The following NDUFS4 variants were observed in gnomAD, a reference collection of about 807,000 sequenced individuals.
NDUFS4 encodes the protein NADH dehydrogenase [ubiquinone] iron-sulfur protein 4, mitochondrial.
A neutral mutation model predicts 24.3 loss-of-function variants in NDUFS4; 28 were observed. That is an observed-to-expected ratio of 1.15 (90% CI 0.85 to 1.58). NDUFS4 has a LOEUF of 1.58. NDUFS4 is among the 40% of genes most tolerant of loss of function. The probability of loss-of-function intolerance (pLI) is 0.00; values close to 1 mark genes in which losing one functional copy is unlikely to be tolerated. For synonymous variants in NDUFS4, 93 were observed against 69.7 expected, an observed-to-expected ratio of 1.34 and a Z score of -1.67; for missense variants, 223 against 207.9, an observed-to-expected ratio of 1.07 and a Z score of -0.45.
intron 2 of NDUFS4, among the ~76,000 whole-genome samples, chr5:53,612,581 A>G (rs995132040): frequency 2.6e-5 from 4 of 152,106 alleles, no homozygotes; most frequent in Non-Finnish European, 5.9e-5. Flanking sequence ...TGTAAAACAA[A>G]TGTTGTCAGT....
chr5:53,578,296 T>TAAATATAAAA (rs1749450855), intron 1 of NDUFS4, among the ~76,000 whole-genome samples: 1 of 152,214 alleles, frequency 6.6e-6, no homozygotes, highest in Non-Finnish European at 1.5e-5. Flanking sequence ...TTATTTTGGT[T>TAAATATAAAA]CTAGATTTAG....
intron 1 of NDUFS4, among the ~76,000 whole-genome samples, chr5:53,599,489 A>G (rs1750243553): frequency 6.6e-6 from 1 of 152,096 alleles, no homozygotes; most frequent in Non-Finnish European, 1.5e-5. Flanking sequence ...TTTGATTTGC[A>G]TTGCTCTAAT....
chr5:53,683,014 T>C lies in NDUFS4; in HGVS notation c.425-104T>C, dbSNP rs1270640155. 3 of 809,990 alleles carry C rather than the reference T, an allele frequency of 3.7e-6. No homozygotes were observed. The African/African-American group carries it at 5.1e-5, about 14-fold the overall frequency. 50.2% of individuals were successfully genotyped at this position (809,990 alleles called of 1,614,324 possible). A position where few individuals can be genotyped will look rare whatever the true frequency, so the allele number is the denominator to read the frequency against. On this transcript the variant is annotated intron_variant, in intron 4 of 4. Coordinates refer to ENST00000296684, the MANE Select transcript of NDUFS4 (RefSeq NM_002495.4). ...GTTGACATATACTCTTGATGATAAA[T>C]GAACATTAAGTTAAGTTATAAAAGC...
chr5:53,609,728 T>C (rs1198480603), intron 2 of NDUFS4, among the ~76,000 whole-genome samples: 2 of 152,202 alleles, frequency 1.3e-5, no homozygotes, highest in Non-Finnish European at 2.9e-5. Flanking sequence ...AGTTATCTTA[T>C]CTAGATCTTC....
At chr5:53,653,274 G>A (rs1385467888) in intron 3 of NDUFS4, among the ~76,000 whole-genome samples, 2 of 152,148 alleles carry the variant, frequency 1.3e-5, no homozygotes, top group African/African-American at 2.4e-5. Context: ...GTGCACAAAC[G>A]TAGATGTTGC....
rs546420781 is a variant in NDUFS4, at chr5:53,677,736, C to T, written c.425-5382C>T. Among the ~76,000 whole-genome samples the T allele has an allele frequency of 3.9e-5, 6 of 152,314 alleles. No individual in the cohort carries two copies. In the South Asian group the frequency reaches 1.2e-3, roughly 32 times the overall value. On this transcript the variant is annotated intron_variant, in intron 4 of 4. Coordinates refer to ENST00000296684, the MANE Select transcript of NDUFS4 (RefSeq NM_002495.4). ...CTTGCTTTGGCCTCCCAAAGCTTTGCTCTTCTGATCCCATGCTTCAGTTGG... is the reference window on the plus strand; with the variant it reads ...CTTGCTTTGGCCTCCCAAAGCTTTGTTCTTCTGATCCCATGCTTCAGTTGG...
chr5:53,620,453 A>G (rs949074593), intron 2 of NDUFS4, among the ~76,000 whole-genome samples: 1 of 152,204 alleles, frequency 6.6e-6, no homozygotes, highest in African/African-American at 2.4e-5. Flanking sequence ...TCATTGTACT[A>G]TAAATTGGTG....
chr5:53,674,628 A>G (rs536419623), intron 4 of NDUFS4, among the ~76,000 whole-genome samples: 9 of 152,336 alleles, frequency 5.9e-5, no homozygotes, highest in African/African-American at 2.2e-4. Flanking sequence ...AATTAAAAAA[A>G]TAAGAGATCT....
intron 4 of NDUFS4, among the ~76,000 whole-genome samples, chr5:53,682,030 A>G (rs1008822453): frequency 1.3e-5 from 2 of 152,162 alleles, no homozygotes; most frequent in African/African-American, 4.8e-5. Context: ...CATTTTGTAC[A>G]TGACTGCATG....
chr5:53,562,930 G>GAACT (rs1284165221), intron 1 of NDUFS4, among the ~76,000 whole-genome samples: 5 of 146,106 alleles, frequency 3.4e-5, no homozygotes, highest in African/African-American at 1.3e-4. Flanking sequence ...GTGGAGTAGG[G>GAACT]AACTGAAGGA....
intron 3 of NDUFS4, among the ~76,000 whole-genome samples, chr5:53,657,167 T>G (rs768083046): frequency 6.6e-6 from 1 of 152,214 alleles, no homozygotes; most frequent in African/African-American, 2.4e-5. Flanking sequence ...TCAACACTTA[T>G]CAGATTACTG....
At chr5:53,648,821 A>T (rs1450423734) in intron 3 of NDUFS4, among the ~76,000 whole-genome samples, 2 of 152,214 alleles carry the variant, frequency 1.3e-5, no homozygotes, top group Non-Finnish European at 2.9e-5. Flanking sequence ...CCCAGTATCA[A>T]GGAGAATACT....
intron 3 of NDUFS4, among the ~76,000 whole-genome samples, chr5:53,654,175 C>T (rs553891457): frequency 6.6e-6 from 1 of 151,632 alleles, no homozygotes; most frequent in South Asian, 2.1e-4. Context: ...TCTTGATCTA[C>T]CAATAATTAA....
intron 3 of NDUFS4, among the ~76,000 whole-genome samples, chr5:53,656,182 C>CT (rs1297331805): frequency 1.4e-5 from 2 of 145,876 alleles, no homozygotes; most frequent in African/African-American, 5.1e-5. Context: ...AGATTGGTTC[C>CT]TTTTTTTTAA....
intron 1 of NDUFS4, among the ~76,000 whole-genome samples, chr5:53,600,302 T>G (rs1385485093): frequency 6.6e-6 from 1 of 151,352 alleles, no homozygotes; most frequent in Non-Finnish European, 1.5e-5. Context: ...CCCGGCCTAT[T>G]TTTATTTTTT....
Position 53,560,823 on chromosome 5 carries a change from G to A in NDUFS4, c.98+63G>A, listed in dbSNP as rs1228190479. The stretch of plus-strand genomic sequence containing the variant: ...GTCCCTCCATTTTTGCGGAGTCTCT[G>A]CTGGCTGAGTTCCGGAGGAGGCCTC... On this transcript the variant is annotated intron_variant, in intron 1 of 4. Transcript: ENST00000296684. The A allele has an allele frequency of 1.2e-5, 19 of 1,609,806 alleles. No homozygotes were observed. The East Asian group carries it at 4.0e-4, about 34-fold the overall frequency.
intron 2 of NDUFS4, among the ~76,000 whole-genome samples, chr5:53,640,945 C>T (rs905874431): frequency 6.6e-6 from 1 of 151,962 alleles, no homozygotes; most frequent in Non-Finnish European, 1.5e-5. Context: ...CCTTAAAGAC[C>T]GGGACCTTTA....
rs114408269 is a variant in NDUFS4 at position 53,622,187 on chromosome 5, A to G, written c.177+18657A>G. Among the ~76,000 whole-genome samples the G allele has an allele frequency of 7.4e-3, 1,125 of 152,230 alleles. 16 individuals are homozygous for G. Among genetic ancestry groups the G allele is most frequent in the African/African-American group, 0.025 (1,048 of 41,558 alleles). On this transcript the variant is annotated intron_variant, in intron 2 of 4. Coordinates refer to ENST00000296684, the MANE Select transcript of NDUFS4 (RefSeq NM_002495.4). Reference sequence around the variant, plus strand: ...AAGAGCCTTATTTAACATGTCTTACAGTGCTGTTCTGTTGGGCAGAAATCT... The same window carrying G: ...AAGAGCCTTATTTAACATGTCTTACGGTGCTGTTCTGTTGGGCAGAAATCT...
Position 53,623,169 on chromosome 5 carries a change from C to T in NDUFS4, c.177+19639C>T, listed in dbSNP as rs141358901. Among the ~76,000 whole-genome samples the T allele has an allele frequency of 5.2e-3, 795 of 152,274 alleles. 1 individual carries two copies. Among genetic ancestry groups the T allele is most frequent in the Non-Finnish European group, 8.3e-3 (562 of 68,020 alleles). On this transcript the variant is annotated intron_variant, in intron 2 of 4. Coordinates refer to ENST00000296684, the MANE Select transcript of NDUFS4 (RefSeq NM_002495.4). Reference sequence around the variant, plus strand: ...ATTGTTGGATCATGTAGTTATTATACGTTGAGCATTTTGAGGAACTACATA... The same window carrying T: ...ATTGTTGGATCATGTAGTTATTATATGTTGAGCATTTTGAGGAACTACATA...
Sources: gnomAD v4.1 joint callset for allele counts (sites outside exome capture counted in the v4.1 genomes callset) on GRCh38, gnomAD v4.1.1 for gene constraint, MANE v1.5 for transcripts, NCBI Gene and HGNC (gene_info 2026-07-23, HGNC 2026-07-21) for gene names.